The following PLAAT1 variants were observed in gnomAD, a reference collection of about 807,000 sequenced individuals.
PLAAT1 encodes phospholipase A and acyltransferase 1.
In PLAAT1, 13 loss-of-function variants were observed where a neutral mutation model predicts 16.4. The ratio of observed to expected loss-of-function variants is 0.79; its 90% CI spans 0.52 to 1.26. The LOEUF (loss-of-function observed/expected upper bound fraction) is 1.26. PLAAT1 is among the 50% of genes most tolerant of loss of function. PLAAT1 has a pLI of 0.00. For synonymous variants in PLAAT1, 73 were observed against 78.4 expected (o/e 0.93, Z 0.36); for missense variants, 218 against 207.8 (o/e 1.05, Z -0.30).
In PLAAT1 at chr3:193,257,611, C is replaced by T. The variant is rs557389484; in HGVS notation, c.139+1822C>T. Reference sequence around the variant, plus strand: ...AATTAAACAGCTTGGTCCTCAATATCGATGAGTGATGCTTAATATCTAGTG... The same window carrying T: ...AATTAAACAGCTTGGTCCTCAATATTGATGAGTGATGCTTAATATCTAGTG... On this transcript the variant is annotated intron_variant, in intron 2 of 3. Transcript: ENST00000264735. Among the ~76,000 whole-genome samples, 25 of 152,200 alleles carry T rather than the reference C, an allele frequency of 1.6e-4. No homozygotes were observed. In the East Asian group the frequency reaches 2.7e-3, roughly 16 times the overall value.
chr3:193,274,896 GCTGCAAGGTTTAATT>G, downstream of PLAAT1: 1 of 1,182,264 alleles, frequency 8.5e-7, no homozygotes. Flanking sequence ...AAGGTCCCTT[GCTGCAAGGTTTAATT>G]CATTGAAAAT....
intron 1 of PLAAT1, among the ~76,000 whole-genome samples, chr3:193,242,404 A>C (rs140122534): frequency 4.6e-5 from 7 of 151,954 alleles, no homozygotes; most frequent in African/African-American, 1.5e-4. Context: ...TGGAGGAGAG[A>C]GGGGGAGAAG....
At chr3:193,256,692 A>G (rs1716388968) in intron 2 of PLAAT1, among the ~76,000 whole-genome samples, 1 of 152,196 alleles carries the variant, frequency 6.6e-6, no homozygotes, top group Non-Finnish European at 1.5e-5. Flanking sequence ...ATGGTAATAT[A>G]AATTGATAAG....
At chr3:193,268,835 C>T (rs182142348) in intron 3 of PLAAT1, among the ~76,000 whole-genome samples, 227 of 152,274 alleles carry the variant, frequency 1.5e-3, no homozygotes, top group African/African-American at 5.3e-3. Context: ...TCTTGTGTTT[C>T]TAGTGGCTGA....
At chr3:193,241,092 TCG>T (rs1475639809), upstream of PLAAT1, 1 of 733,628 alleles carries the variant, frequency 1.4e-6, no homozygotes, top group African/African-American at 2.2e-5. Flanking sequence ...GGCGGCTGCG[TCG>T]GGGCGCGAGA....
downstream of PLAAT1, among the ~76,000 whole-genome samples, chr3:193,280,481 T>C (rs187778019): frequency 6.6e-6 from 1 of 152,356 alleles, no homozygotes; most frequent in East Asian, 1.9e-4. Flanking sequence ...TCAACTGGAC[T>C]GTGACCATTT....
At chr3:193,257,293 C>A (rs921971419) in intron 2 of PLAAT1, among the ~76,000 whole-genome samples, 1 of 152,136 alleles carries the variant, frequency 6.6e-6, no homozygotes, top group African/African-American at 2.4e-5. Flanking sequence ...TTGGCTCAGA[C>A]ACAATTGTTT....
chr3:193,247,035 T>A (rs374935266), intron 1 of PLAAT1, among the ~76,000 whole-genome samples: 5 of 152,308 alleles, frequency 3.3e-5, no homozygotes, highest in African/African-American at 1.2e-4. Context: ...ATTTCCTTAT[T>A]TATTATTGGT....
downstream of PLAAT1, chr3:193,270,890 C>T (rs1368842369): frequency 7.1e-6 from 9 of 1,261,464 alleles, no homozygotes; most frequent in Non-Finnish European, 9.0e-6. Flanking sequence ...CCCCTGCTAG[C>T]ATAGATGTAC....
In PLAAT1 at chr3:193,244,367, C is replaced by T. The variant is rs145727532; in HGVS notation, c.-1+2834C>T. ...TCCCACCAGCAGTGAATGAGTGATC[C>T]AGTTAATGACAATGATGACTCTGCA... On this transcript the variant is annotated intron_variant, in intron 1 of 3. Coordinates refer to ENST00000264735, the MANE Select transcript of PLAAT1 (RefSeq NM_020386.5). Among the ~76,000 whole-genome samples, 419 of 152,162 alleles carry T rather than the reference C, an allele frequency of 2.8e-3. 1 individual carries two copies. Among genetic ancestry groups the T allele is most frequent in the African/African-American group, 9.8e-3 (408 of 41,532 alleles).
intron 1 of PLAAT1, among the ~76,000 whole-genome samples, chr3:193,249,792 A>C (rs912150317): frequency 6.6e-6 from 1 of 151,318 alleles, no homozygotes; most frequent in Non-Finnish European, 1.5e-5. Context: ...GAACCTCCTT[A>C]TTGGTTTTTT....
chr3:193,270,707 A>G lies in PLAAT1; in HGVS notation c.*2A>G. On this transcript the variant is annotated 3_prime_UTR_variant, in exon 4 of 4. Coordinates refer to ENST00000264735, the MANE Select transcript of PLAAT1 (RefSeq NM_020386.5). The stretch of plus-strand genomic sequence containing the variant: ...GGACAAAGAGCAAAATACTATTAAC[A>G]ATTTACCAAAGAGATATTGATATTG... 1 of 1,611,790 alleles carries G rather than the reference A, an allele frequency of 6.2e-7. No homozygotes were observed. The highest frequency in any genetic ancestry group is 8.5e-7 in the Non-Finnish European group (1 of 1,178,786).
At chr3:193,260,480 A>G (rs1716544233) in intron 2 of PLAAT1, among the ~76,000 whole-genome samples, 1 of 152,202 alleles carries the variant, frequency 6.6e-6, no homozygotes. Flanking sequence ...CCCAGAATTT[A>G]CAAGGAATTT....
chr3:193,279,329 A>G (rs1262710976), downstream of PLAAT1: 1 of 1,470,510 alleles, frequency 6.8e-7, no homozygotes, highest in Non-Finnish European at 9.5e-7. Context: ...GTCCATGTAC[A>G]TGAGTCATGC....
downstream of PLAAT1, chr3:193,281,219 T>G (rs375604146): frequency 3.9e-5 from 38 of 985,360 alleles, no homozygotes; most frequent in African/African-American, 6.6e-4. Flanking sequence ...ACGCAGAAGC[T>G]GGGAAGAAGA....
downstream of PLAAT1, among the ~76,000 whole-genome samples, chr3:193,278,432 C>A (rs1717324625): frequency 6.6e-6 from 1 of 152,168 alleles, no homozygotes; most frequent in African/African-American, 2.4e-5. Context: ...ATTATTCATT[C>A]TTGTTCATAC....
downstream of PLAAT1, chr3:193,274,940 T>C: frequency 6.8e-7 from 1 of 1,472,752 alleles, no homozygotes; most frequent in Non-Finnish European, 9.2e-7. Flanking sequence ...AATGCTTGAA[T>C]GGAGAGAGGA....
chr3:193,260,932 CAT>C (rs1716561961), intron 2 of PLAAT1, among the ~76,000 whole-genome samples: 1 of 152,032 alleles, frequency 6.6e-6, no homozygotes, highest in African/African-American at 2.4e-5. Flanking sequence ...ATAGGAAGGA[CAT>C]AGAATCAGTC....
At chr3:193,274,490 C>T (rs900411086), downstream of PLAAT1, among the ~76,000 whole-genome samples, 10 of 152,186 alleles carry the variant, frequency 6.6e-5, no homozygotes, top group Non-Finnish European at 1.5e-4. Context: ...TCTACCACTT[C>T]CACACAATTC....
Sources: allele counts gnomAD v4.1 joint callset (sites outside exome capture counted in the v4.1 genomes callset), GRCh38; gene constraint gnomAD v4.1.1; transcripts MANE v1.5; gene names NCBI Gene and HGNC (gene_info 2026-07-23, HGNC 2026-07-21).